TANGO6: variants seen among roughly 807,000 people sequenced by gnomAD.
TANGO6 encodes transport and Golgi organization protein 6 homolog.
A neutral mutation model predicts 114.2 loss-of-function variants in TANGO6; 90 were observed. The ratio of observed to expected loss-of-function variants is 0.79; its 90% CI spans 0.66 to 0.94. The LOEUF (loss-of-function observed/expected upper bound fraction) is 0.94, where lower values mean the gene tolerates loss of function less well. Among genes scored for constraint, TANGO6 ranks in the 40% least tolerant of loss-of-function variants. TANGO6 has a pLI of 0.00. For synonymous variants in TANGO6, 477 were observed against 509.8 expected (o/e 0.94, Z 0.87); for missense variants, 1,274 against 1,315.3 (o/e 0.97, Z 0.49).
At chr16:68,896,094 C>T (rs965607558) in intron 7 of TANGO6, among the ~76,000 whole-genome samples, 11 of 151,060 alleles carry the variant, frequency 7.3e-5, no homozygotes, top group African/African-American at 2.7e-4. Flanking sequence ...ACTTCTACCT[C>T]CTGGGTTCAA....
At chr16:69,068,917 A>G (rs1960256885) in intron 17 of TANGO6, among the ~76,000 whole-genome samples, 1 of 152,108 alleles carries the variant, frequency 6.6e-6, no homozygotes. Flanking sequence ...GGGTTTTGCC[A>G]TGTTGGCCAG....
In TANGO6 at chr16:68,860,063, TG is replaced by T. The variant is rs1962066035; in HGVS notation, c.276del (p.Trp92Ter). ...GCCACAAAACTCTGTGGATGTCACT[TG>T]GAGTTTTACCTCTCAAACCTTGTTG... Reference protein sequence around the residue: ...EWPQNSVDVTWSFTSQTLLLL... With the variant: ...EWPQNSVDVTXSFTSQTLLLL... On this transcript the variant is annotated frameshift_variant, in exon 2 of 18. Coordinates refer to ENST00000261778, the MANE Select transcript of TANGO6 (RefSeq NM_024562.2). LOFTEE classifies it high-confidence loss of function. 1.2e-6 allele frequency: 2 copies of T among 1,614,022 alleles called. No individual in the cohort carries two copies. Among genetic ancestry groups the T allele is most frequent in the South Asian group, 2.2e-5 (2 of 91,090 alleles).
intron 15 of TANGO6, among the ~76,000 whole-genome samples, chr16:68,995,160 A>T (rs1963980572): frequency 1.3e-5 from 2 of 152,128 alleles, no homozygotes; most frequent in Admixed American, 6.5e-5. Flanking sequence ...CATCTAAATC[A>T]TTCCTACTTG....
rs1962797657 is a variant in TANGO6 at position 68,902,418 on chromosome 16, CA to C, written c.1584del (p.Ala529LeufsTer20). The C allele has an allele frequency of 3.7e-6, 6 of 1,613,866 alleles. No homozygotes were observed. The highest frequency in any genetic ancestry group is 4.2e-6 in the Non-Finnish European group (5 of 1,179,830). The stretch of plus-strand genomic sequence containing the variant: ...GCCTGAAAGGATTTGCAGGGTTGGA[CA>C]AAGCTGTGCCCTCTCTCCATTCTCT... Reference protein sequence around the residue: ...ASLKGFAGLDKAVPSLHSLCQ... With the variant: ...ASLKGFAGLDXAVPSLHSLCQ... On this transcript the variant is annotated frameshift_variant, in exon 9 of 18. Transcript: ENST00000261778. LOFTEE classifies it high-confidence loss of function.
intron 7 of TANGO6, among the ~76,000 whole-genome samples, chr16:68,890,089 T>C (rs1187753563): frequency 1.3e-5 from 2 of 152,198 alleles, no homozygotes; most frequent in African/African-American, 4.8e-5. Flanking sequence ...TGTATTTGAC[T>C]AGTTTAATCT....
intron 14 of TANGO6, chr16:68,937,209 C>T (rs916179619): frequency 6.6e-6 from 1 of 152,160 alleles, no homozygotes; most frequent in African/African-American, 2.4e-5. Flanking sequence ...GAATGCAGTC[C>T]TGCGAAGTTT....
intron 14 of TANGO6, among the ~76,000 whole-genome samples, chr16:68,961,780 C>G (rs531526147): frequency 1.3e-5 from 2 of 152,234 alleles, no homozygotes; most frequent in East Asian, 3.9e-4. Flanking sequence ...TTCAAGAAAA[C>G]AGTCAATGAT....
chr16:68,916,767 A>C (rs1362782334), intron 11 of TANGO6, among the ~76,000 whole-genome samples: 1 of 152,092 alleles, frequency 6.6e-6, no homozygotes, highest in African/African-American at 2.4e-5. Flanking sequence ...TTTTTAGAGC[A>C]GTTTTAGATT....
At chr16:68,909,586 G>A (rs1339522662) in intron 11 of TANGO6, 184 bp downstream of exon 11, 11 of 447,994 alleles carry the variant, frequency 2.5e-5, no homozygotes, top group Non-Finnish European at 3.7e-5. Context: ...CCAGTGTCCT[G>A]AGACTCCACA....
At chr16:68,951,611 TC>T (rs1420948800) in intron 14 of TANGO6, among the ~76,000 whole-genome samples, 2 of 147,990 alleles carry the variant, frequency 1.4e-5, no homozygotes, top group Non-Finnish European at 3.0e-5. Context: ...TGGCCTCTGT[TC>T]TTTTTTTTTT....
rs560571416 is a variant in TANGO6, at chr16:68,849,971, CTT to C, written c.94+6279_94+6280del. The stretch of plus-strand genomic sequence containing the variant: ...TTACATATTTGTCTTTCTAGCGGTT[CTT>C]TTTTTTTTTTTTTTTTTTGAGACGG... On this transcript the variant is annotated intron_variant, in intron 1 of 17. Transcript: ENST00000261778. Among the ~76,000 whole-genome samples the C allele has an allele frequency of 8.6e-4, 99 of 114,834 alleles. 1 individual carries two copies. Among genetic ancestry groups the C allele is most frequent in the African/African-American group, 3.1e-3 (92 of 29,524 alleles). The allele number at this position is 114,834 out of a possible 152,430, so 75.3% of individuals were successfully genotyped here. A position where few individuals can be genotyped will look rare whatever the true frequency, so the allele number is the denominator to read the frequency against.
intron 14 of TANGO6, among the ~76,000 whole-genome samples, chr16:68,950,326 G>A (rs1421109864): frequency 1.3e-5 from 2 of 152,220 alleles, no homozygotes; most frequent in African/African-American, 4.8e-5. Flanking sequence ...AACACTTTGG[G>A]AGGCCGAGGC....
intron 1 of TANGO6, among the ~76,000 whole-genome samples, chr16:68,857,217 C>T (rs1019622499): frequency 6.6e-6 from 1 of 152,178 alleles, no homozygotes; most frequent in Admixed American, 6.5e-5. Context: ...AGTTTTGCCT[C>T]CTCCAGAATG....
intron 14 of TANGO6, among the ~76,000 whole-genome samples, chr16:68,935,008 T>C (rs958336202): frequency 6.6e-6 from 1 of 152,230 alleles, no homozygotes; most frequent in African/African-American, 2.4e-5. Context: ...CTCCCCAAGA[T>C]GATGGACAAG....
chr16:69,007,305 T>C (rs1031210824), intron 15 of TANGO6: 1 of 148,936 alleles, frequency 6.7e-6, no homozygotes, highest in African/African-American at 2.5e-5. Flanking sequence ...AGTTTCGCTC[T>C]GTCACCCAGG....
At chr16:69,059,206 C>T (rs1428745393) in intron 17 of TANGO6, among the ~76,000 whole-genome samples, 2 of 151,744 alleles carry the variant, frequency 1.3e-5, no homozygotes, top group South Asian at 4.2e-4. Context: ...TCCCAATTAT[C>T]TGGGAAGTGT....
chr16:68,904,270 C>G (rs1184512441), intron 9 of TANGO6, among the ~76,000 whole-genome samples: 1 of 152,124 alleles, frequency 6.6e-6, no homozygotes, highest in Admixed American at 6.6e-5. Flanking sequence ...CCATGCCAGG[C>G]TAACGTCGTG....
intron 14 of TANGO6, among the ~76,000 whole-genome samples, chr16:68,972,733 G>C (rs1009490957): frequency 3.3e-5 from 5 of 152,180 alleles, no homozygotes; most frequent in African/African-American, 1.2e-4. Context: ...TACACAACCT[G>C]TCAGGTGATA....
At chr16:68,866,796 G>A in intron 3 of TANGO6, among the ~76,000 whole-genome samples, 1 of 152,042 alleles carries the variant, frequency 6.6e-6, no homozygotes, top group Non-Finnish European at 1.5e-5. Flanking sequence ...AAGTACCCAG[G>A]CATAGTGGCA....
Sources: gnomAD v4.1 joint callset for allele counts (sites outside exome capture counted in the v4.1 genomes callset) on GRCh38, gnomAD v4.1.1 for gene constraint, MANE v1.5 for transcripts, NCBI Gene and HGNC (gene_info 2026-07-23, HGNC 2026-07-21) for gene names.